The following NELL1 variants were observed in gnomAD, a reference collection of about 807,000 sequenced individuals.
NELL1 encodes protein kinase C-binding protein NELL1.
In NELL1, 76 loss-of-function variants were observed where a neutral mutation model predicts 107.4. The observed-to-expected ratio is 0.71, with a 90% CI of 0.59 to 0.86. The LOEUF (loss-of-function observed/expected upper bound fraction) is 0.86. NELL1 is among the 40% of genes least tolerant of loss of function. NELL1 has a pLI of 0.00. For missense variants in NELL1, 1,024 were observed against 1,005.5 expected (o/e 1.02, Z -0.25); for synonymous variants, 353 against 341.2 (o/e 1.03, Z -0.38).
intron 2 of NELL1, among the ~76,000 whole-genome samples, chr11:20,762,520 A>G (rs1590270588): frequency 6.6e-6 from 1 of 152,238 alleles, no homozygotes; most frequent in Admixed American, 6.5e-5. Flanking sequence ...ACATTTTTGA[A>G]GAATTTTTAA....
chr11:21,311,761 A>C (rs182590062), intron 14 of NELL1, among the ~76,000 whole-genome samples: 6 of 152,216 alleles, frequency 3.9e-5, no homozygotes, highest in African/African-American at 4.8e-5. Context: ...GCTACTTTAC[A>C]TATTGTCTCA....
chr11:21,347,585 A>T (rs993181266), intron 14 of NELL1, among the ~76,000 whole-genome samples: 9 of 152,200 alleles, frequency 5.9e-5, no homozygotes, highest in Non-Finnish European at 1.0e-4. Context: ...CTGGGCAACA[A>T]GAGCAAAACT....
intron 6 of NELL1, 84 bp downstream of exon 6, chr11:20,918,338 A>G: frequency 1.2e-6 from 1 of 832,930 alleles, no homozygotes; most frequent in Non-Finnish European, 2.0e-6. Context: ...ATAGACCCAA[A>G]TTGTTTACAG....
chr11:21,332,284 A>G (rs140624273), intron 14 of NELL1, among the ~76,000 whole-genome samples: 42 of 152,022 alleles, frequency 2.8e-4, no homozygotes, highest in African/African-American at 8.9e-4. Flanking sequence ...TGTTCTCTGT[A>G]CAGTTTCCTC....
intron 3 of NELL1, among the ~76,000 whole-genome samples, chr11:20,820,099 A>ATGT (rs1448757184): frequency 3.3e-5 from 5 of 152,186 alleles, no homozygotes; most frequent in African/African-American, 1.2e-4. Context: ...GGTTACAGGA[A>ATGT]TGTTAAGCAG....
chr11:21,365,593 C>A (rs976194799), intron 14 of NELL1, among the ~76,000 whole-genome samples: 1 of 152,122 alleles, frequency 6.6e-6, no homozygotes, highest in Non-Finnish European at 1.5e-5. Flanking sequence ...GAAATGGCTA[C>A]TGGAACTGCT....
intron 14 of NELL1, 102 bp from the exon 15 acceptor site, chr11:21,370,751 C>T: frequency 1.2e-6 from 1 of 813,366 alleles, no homozygotes; most frequent in South Asian, 1.5e-5. Flanking sequence ...GATGTGTATT[C>T]CCTATGCAAC....
Position 20,928,425 on chromosome 11 carries a change from TC to T in NELL1, c.947del (p.Pro316GlnfsTer34). The T allele has an allele frequency of 6.2e-7, 1 of 1,613,996 alleles. No individual in the cohort carries two copies. The highest frequency in any genetic ancestry group is 8.5e-7 in the Non-Finnish European group (1 of 1,179,948). ...RRMSCPPLNC[S>X]PDSLPVHIAG... ...GATGTCCTGTCCCCCTCTCAATTGC[TC>T]CCCAGACTCCCTCCCAGTGCACATT... On this transcript the variant is annotated frameshift_variant, in exon 9 of 20. Coordinates refer to ENST00000357134, the MANE Select transcript of NELL1 (RefSeq NM_006157.5). LOFTEE classifies it high-confidence loss of function.
intron 14 of NELL1, among the ~76,000 whole-genome samples, chr11:21,244,653 C>G (rs918018038): frequency 1.3e-5 from 2 of 152,184 alleles, no homozygotes; most frequent in African/African-American, 4.8e-5. Context: ...CCTCACTTCT[C>G]TGAGTTTGCT....
At chr11:20,676,701 A>G (rs979911098) in intron 1 of NELL1, among the ~76,000 whole-genome samples, 9 of 152,300 alleles carry the variant, frequency 5.9e-5, no homozygotes, top group African/African-American at 1.2e-4. Context: ...AGGCTGTAGG[A>G]CCAGGGGTTA....
intron 16 of NELL1, among the ~76,000 whole-genome samples, chr11:21,558,160 A>G (rs1220322006): frequency 6.6e-6 from 1 of 151,962 alleles, no homozygotes; most frequent in African/African-American, 2.4e-5. Context: ...TTGATACCTC[A>G]CCTCATTCCC....
chr11:21,135,494 C>A (rs1371104196), intron 13 of NELL1, among the ~76,000 whole-genome samples: 1 of 152,150 alleles, frequency 6.6e-6, no homozygotes, highest in African/African-American at 2.4e-5. Context: ...TTGAGCCCAA[C>A]TTTGGAACCA....
intron 12 of NELL1, among the ~76,000 whole-genome samples, chr11:21,007,359 C>G (rs1230595607): frequency 6.6e-6 from 1 of 151,408 alleles, no homozygotes; most frequent in Non-Finnish European, 1.5e-5. Flanking sequence ...CATTCACAAC[C>G]AATGTGTATG....
intron 15 of NELL1, among the ~76,000 whole-genome samples, chr11:21,534,102 AT>A (rs1256641335): frequency 6.6e-6 from 1 of 152,206 alleles, no homozygotes; most frequent in South Asian, 2.1e-4. Context: ...CAACCTAGTT[AT>A]TCAGAGACAA....
chr11:21,247,775 A>C (rs1353325027), intron 14 of NELL1, among the ~76,000 whole-genome samples: 1 of 152,218 alleles, frequency 6.6e-6, no homozygotes, highest in East Asian at 1.9e-4. Flanking sequence ...TGTATATGCT[A>C]TACCGTTATA....
chr11:21,389,256 G>T (rs566317518), intron 15 of NELL1, among the ~76,000 whole-genome samples: 1 of 151,702 alleles, frequency 6.6e-6, no homozygotes, highest in Non-Finnish European at 1.5e-5. Flanking sequence ...CTGTTTGTTA[G>T]GTTTGAGACT....
chr11:21,501,606 A>C (rs777629809), intron 15 of NELL1, among the ~76,000 whole-genome samples: 1 of 152,202 alleles, frequency 6.6e-6, no homozygotes, highest in African/African-American at 2.4e-5. Flanking sequence ...TAATATGTGC[A>C]TTATTGGGAT....
At chr11:21,031,058 A>T (rs1852943225) in intron 12 of NELL1, among the ~76,000 whole-genome samples, 1 of 152,140 alleles carries the variant, frequency 6.6e-6, no homozygotes, top group Non-Finnish European at 1.5e-5. Flanking sequence ...ATATTTGAAT[A>T]AAAAGGGTAT....
chr11:20,947,616 A>C (rs1274945875), intron 11 of NELL1, among the ~76,000 whole-genome samples, 181 bp downstream of exon 11: 1 of 152,220 alleles, frequency 6.6e-6, no homozygotes, highest in Non-Finnish European at 1.5e-5. Context: ...TAAAATGAGG[A>C]TAATAATAGT....
Sources: allele counts gnomAD v4.1 joint callset (sites outside exome capture counted in the v4.1 genomes callset), GRCh38; gene constraint gnomAD v4.1.1; transcripts MANE v1.5; gene names NCBI Gene and HGNC (gene_info 2026-07-23, HGNC 2026-07-21).